The following ABL1 variants were observed in gnomAD, a reference collection of about 807,000 sequenced individuals.
ABL1 encodes the protein tyrosine-protein kinase ABL1.
ABL1 carries 11 observed loss-of-function variants against 94.7 expected under a neutral mutation model. The ratio of observed to expected loss-of-function variants is 0.12; its 90% CI spans 0.07 to 0.19. The LOEUF (loss-of-function observed/expected upper bound fraction) is 0.19. Among genes scored for constraint, ABL1 ranks in the 10% least tolerant of loss-of-function variants. ABL1 has a pLI of 1.00. For missense variants in ABL1, 1,082 were observed against 1,489.4 expected, an observed-to-expected ratio of 0.73 and a Z score of 4.50; for synonymous variants, 656 against 622.4, an observed-to-expected ratio of 1.05 and a Z score of -0.80.
At chr9:130,740,344 TC>T (rs1831800444) in intron 1 of ABL1, among the ~76,000 whole-genome samples, 1 of 152,226 alleles carries the variant, frequency 6.6e-6, no homozygotes, top group African/African-American at 2.4e-5. Flanking sequence ...GAGTGGCTGT[TC>T]CTCTCCTGGA....
chr9:130,876,364 CTTCT>C (rs933144470), intron 7 of ABL1, among the ~76,000 whole-genome samples: 4 of 151,084 alleles, frequency 2.6e-5, no homozygotes, highest in Non-Finnish European at 5.9e-5. Context: ...TCAATTCTTG[CTTCT>C]TTGTTTTTAT....
chr9:130,846,317 C>G (rs1285545226), intron 1 of ABL1, among the ~76,000 whole-genome samples: 4 of 152,128 alleles, frequency 2.6e-5, no homozygotes, highest in Non-Finnish European at 5.9e-5. Context: ...ATCTCATCCG[C>G]TGGAACGGAG....
intron 1 of ABL1, among the ~76,000 whole-genome samples, chr9:130,820,835 G>A (rs1830350934): frequency 6.6e-6 from 1 of 152,036 alleles, no homozygotes; most frequent in Non-Finnish European, 1.5e-5. Context: ...TTACTGAGGT[G>A]TAATTTATAT....
chr9:130,823,501 CGCGG>C (rs2132881032), intron 1 of ABL1, among the ~76,000 whole-genome samples: 2 of 152,230 alleles, frequency 1.3e-5, no homozygotes, highest in East Asian at 3.9e-4. Context: ...GGCTGACAGT[CGCGG>C]TCCTGGAGGG....
intron 1 of ABL1, among the ~76,000 whole-genome samples, chr9:130,803,954 A>T (rs1192632611): frequency 6.6e-6 from 1 of 152,080 alleles, no homozygotes; most frequent in Admixed American, 6.6e-5. Flanking sequence ...CCAGCTACCC[A>T]GGAGACTGAG....
intron 1 of ABL1, among the ~76,000 whole-genome samples, chr9:130,788,196 A>C (rs369966489): frequency 3.3e-5 from 5 of 152,358 alleles, no homozygotes; most frequent in East Asian, 1.9e-4. Flanking sequence ...CCCCTGTTTT[A>C]CTTTGTATTT....
chr9:130,726,360 T>C (rs997810165), intron 1 of ABL1, among the ~76,000 whole-genome samples: 2 of 152,150 alleles, frequency 1.3e-5, no homozygotes, highest in South Asian at 4.1e-4. Flanking sequence ...ATAACTACTG[T>C]CTTACGTTTT....
At chr9:130,837,787 G>A (rs758517034) in intron 1 of ABL1, among the ~76,000 whole-genome samples, 2 of 152,278 alleles carry the variant, frequency 1.3e-5, no homozygotes, top group Non-Finnish European at 2.9e-5. Flanking sequence ...CTAACATCTG[G>A]ATGAGTAATC....
chr9:130,858,099 C>T (rs565954119), intron 3 of ABL1, among the ~76,000 whole-genome samples: 2 of 152,060 alleles, frequency 1.3e-5, no homozygotes, highest in South Asian at 4.2e-4. Flanking sequence ...GAGATAGTCA[C>T]TTGAGGTTTG....
intron 1 of ABL1, among the ~76,000 whole-genome samples, chr9:130,849,824 A>G (rs2132946923): frequency 6.6e-6 from 1 of 152,152 alleles, no homozygotes; most frequent in Middle Eastern, 3.4e-3. Context: ...GCCTTTAATG[A>G]TAATGTAAAT....
At chr9:130,815,926 G>A (rs1339235393) in intron 1 of ABL1, among the ~76,000 whole-genome samples, 1 of 152,212 alleles carries the variant, frequency 6.6e-6, no homozygotes, top group African/African-American at 2.4e-5. Flanking sequence ...GCTGAGGCAA[G>A]AGAATCGCCT....
At chr9:130,742,460 C>T (rs867437726) in intron 1 of ABL1, among the ~76,000 whole-genome samples, 45 of 152,116 alleles carry the variant, frequency 3.0e-4, no homozygotes, top group Non-Finnish European at 5.6e-4. Flanking sequence ...GATGATGGGC[C>T]GTGCTTAAAT....
At chr9:130,730,758 G>T (rs1186224388) in intron 1 of ABL1, among the ~76,000 whole-genome samples, 5 of 151,616 alleles carry the variant, frequency 3.3e-5, no homozygotes, top group Non-Finnish European at 7.4e-5. Flanking sequence ...TTTTTGTAGA[G>T]TTGGGGTTTT....
Position 130,821,087 on chromosome 9 carries a change from G to T in ABL1, c.137-32977G>T, listed in dbSNP as rs959158634. 2.0e-5 allele frequency among the ~76,000 whole-genome samples: 3 copies of T among 151,818 alleles called. No homozygotes were observed. In the East Asian group the frequency reaches 5.8e-4, roughly 29 times the overall value. On this transcript the variant is annotated intron_variant, in intron 1 of 10. Coordinates refer to the ABL1 transcript ENST00000372348. The stretch of plus-strand genomic sequence containing the variant: ...TGGGACTACAGGCACGTGCCACCAT[G>T]CCCAGCTAAGTTTTTTGTATTCTTA...
intron 1 of ABL1, among the ~76,000 whole-genome samples, chr9:130,848,262 A>T (rs995485843): frequency 2.1e-5 from 3 of 143,942 alleles, no homozygotes; most frequent in Non-Finnish European, 4.5e-5. Flanking sequence ...GCACTTTGGG[A>T]GGCTGAGGTG....
intron 1 of ABL1, among the ~76,000 whole-genome samples, chr9:130,801,400 G>A (rs190121933): frequency 6.6e-6 from 1 of 152,126 alleles, no homozygotes; most frequent in East Asian, 1.9e-4. Context: ...GTTAATTTCT[G>A]TGTTTTTAGT....
rs60206110 is a variant in ABL1 at position 130,751,129 on chromosome 9, C to CTTTTTTT, written c.136+36698_136+36704dup. Reference sequence around the variant, plus strand: ...TTTGAAACTTGTTTTTTTTATTCAGCTTTTTTTTTTTTTTTTTTTTTTTTT... The same window carrying CTTTTTTT: ...TTTGAAACTTGTTTTTTTTATTCAGCTTTTTTTTTTTTTTTTTTTTTTTTTTTTTTTT... On this transcript the variant is annotated intron_variant, in intron 1 of 10. Coordinates refer to the ABL1 transcript ENST00000372348. Among the ~76,000 whole-genome samples the CTTTTTTT allele has an allele frequency of 3.1e-3, 177 of 57,486 alleles. 45 individuals are homozygous for CTTTTTTT. The highest frequency in any genetic ancestry group is 9.0e-3 in the East Asian group (13 of 1,452). 37.7% of individuals were successfully genotyped at this position (57,486 alleles called of 152,430 possible).
chr9:130,803,702 T>A (rs1411683348), intron 1 of ABL1, among the ~76,000 whole-genome samples: 1 of 152,224 alleles, frequency 6.6e-6, no homozygotes, highest in Non-Finnish European at 1.5e-5. Flanking sequence ...TTGTATATCA[T>A]CCATTTGACA....
rs1831470039 is a variant in ABL1, at chr9:130,718,238, AG to A, written c.136+3784del. On this transcript the variant is annotated intron_variant, in intron 1 of 10. Transcript: ENST00000372348. ...GAGGCTGAGGCAGGAGAATATCTTG[AG>A]CCCCGGGGGAAGAGGTTGCAGTGAC... Among the ~76,000 whole-genome samples, 3 of 147,158 alleles carry A rather than the reference AG, an allele frequency of 2.0e-5. No individual in the cohort carries two copies. The South Asian group carries it at 6.6e-4, about 32-fold the overall frequency.
Sources: allele counts gnomAD v4.1 joint callset (sites outside exome capture counted in the v4.1 genomes callset), GRCh38; gene constraint gnomAD v4.1.1; transcripts MANE v1.5; gene names NCBI Gene and HGNC (gene_info 2026-07-23, HGNC 2026-07-21).